The following NOSTRIN variants were observed in gnomAD, a reference collection of about 807,000 sequenced individuals.
The protein encoded by NOSTRIN is BM247 homolog.
Under a neutral mutation model 59.0 loss-of-function variants are expected in NOSTRIN, and 63 were observed. The observed-to-expected ratio is 1.07, with a 90% CI of 0.87 to 1.32. The LOEUF (loss-of-function observed/expected upper bound fraction) is 1.32. Among genes scored for constraint, NOSTRIN ranks in the 40% most tolerant of loss-of-function variants. The pLI, the probability that NOSTRIN is intolerant of heterozygous loss-of-function variation, is 0.00. For synonymous variants in NOSTRIN, 200 were observed against 165.4 expected (o/e 1.21, Z -1.61); for missense variants, 512 against 473.1 (o/e 1.08, Z -0.76).
chr2:168,852,304 T>C (rs1688814937), intron 10 of NOSTRIN, among the ~76,000 whole-genome samples: 1 of 152,092 alleles, frequency 6.6e-6, no homozygotes, highest in Non-Finnish European at 1.5e-5. Context: ...ATTTTGAGGG[T>C]ACTTGAGTGA....
chr2:168,826,518 A>C (rs1360013033), intron 3 of NOSTRIN, among the ~76,000 whole-genome samples: 11 of 149,766 alleles, frequency 7.3e-5, no homozygotes, highest in African/African-American at 2.5e-4. Flanking sequence ...ACAGGTGTTG[A>C]CCAAGTTACT....
chr2:168,828,183 G>A lies in NOSTRIN; in HGVS notation c.223G>A (p.Ala75Thr), dbSNP rs1281796494. 1.1e-6 allele frequency: 1 copy of A among 872,876 alleles called. No homozygotes were observed. Among genetic ancestry groups the A allele is most frequent in the South Asian group, 1.3e-5 (1 of 76,540 alleles). The allele number at this position is 872,876 out of a possible 1,614,324, so 54.1% of individuals were successfully genotyped here. A position where few individuals can be genotyped will look rare whatever the true frequency, so the allele number is the denominator to read the frequency against. Residue 75 changes from alanine (A) to threonine (T), a missense_variant, in exon 4 of 16, where the codon GCC becomes ACC. Physicochemically the swap from Ala to Thr is moderately conservative, Grantham distance 58 (BLOSUM62 0). Coordinates refer to ENST00000317647, the MANE Select transcript of NOSTRIN (RefSeq NM_001039724.4). ...KSCVSSAWAWASEGMKSTADL... is the reference protein window; with the variant it reads ...KSCVSSAWAWTSEGMKSTADL... ...TTGTGTTAGCAGTGCCTGGGCCTGG[G>A]CCTCAGAGGGAATGAAATCCACAGC...
At chr2:168,820,758 G>A (rs1194242048) in intron 2 of NOSTRIN, among the ~76,000 whole-genome samples, 2 of 147,966 alleles carry the variant, frequency 1.4e-5, no homozygotes, top group Non-Finnish European at 3.0e-5. Flanking sequence ...AAGTGAACAA[G>A]GACCCCTTTT....
chr2:168,796,968 A>G (rs1027941596), upstream of NOSTRIN, among the ~76,000 whole-genome samples: 3 of 151,962 alleles, frequency 2.0e-5, no homozygotes, highest in Non-Finnish European at 2.9e-5. Context: ...GCAATTATTT[A>G]TTGAACACTT....
At chr2:168,846,004 C>T (rs928134218) in intron 8 of NOSTRIN, among the ~76,000 whole-genome samples, 1 of 152,156 alleles carries the variant, frequency 6.6e-6, no homozygotes, top group African/African-American at 2.4e-5. Context: ...CTCCTGAGAG[C>T]CATCTCAAGC....
Position 168,863,903 on chromosome 2 carries a change from C to T in NOSTRIN, c.1385-931C>T, listed in dbSNP as rs192131003. ...GGCAGCATAAGGATATATGATCCAA[C>T]GTGATCTTTTTTTATTTTTTTTTTT... On this transcript the variant is annotated intron_variant, in intron 15 of 15. Coordinates refer to ENST00000317647, the MANE Select transcript of NOSTRIN (RefSeq NM_001039724.4). Among the ~76,000 whole-genome samples, 15 of 151,926 alleles carry T rather than the reference C, an allele frequency of 9.9e-5. No individual in the cohort carries two copies. The East Asian group carries it at 1.9e-3, about 20-fold the overall frequency.
chr2:168,837,967 T>C (rs1200445042), intron 7 of NOSTRIN, among the ~76,000 whole-genome samples: 3 of 152,184 alleles, frequency 2.0e-5, no homozygotes, highest in East Asian at 1.9e-4. Flanking sequence ...TTTCTGAAGA[T>C]TTCTCTTCTG....
chr2:168,802,792 A>G, intron 1 of NOSTRIN, 119 bp downstream of exon 1: 1 of 777,150 alleles, frequency 1.3e-6, no homozygotes, highest in Admixed American at 2.0e-5. Flanking sequence ...ACATTTAGAT[A>G]TTGGCTGTGG....
At chr2:168,824,768 T>TGTTTGTTTG (rs1553523540) in intron 3 of NOSTRIN, 51 bp downstream of exon 3, 14 of 736,690 alleles carry the variant, frequency 1.9e-5, no homozygotes, top group South Asian at 3.0e-5. Flanking sequence ...TTTATTTGTT[T>TGTTTGTTTG]TTTGTTTGTT....
intron 14 of NOSTRIN, among the ~76,000 whole-genome samples, chr2:168,861,124 T>C (rs892631772): frequency 6.6e-6 from 1 of 152,222 alleles, no homozygotes; most frequent in Non-Finnish European, 1.5e-5. Context: ...CTATGAGAAG[T>C]TGCCTCAGAT....
upstream of NOSTRIN, among the ~76,000 whole-genome samples, chr2:168,798,903 T>A (rs1685551197): frequency 6.6e-6 from 1 of 152,076 alleles, no homozygotes; most frequent in Admixed American, 6.5e-5. Context: ...ATATGAGGTA[T>A]GCAAAATTTA....
intron 2 of NOSTRIN, among the ~76,000 whole-genome samples, chr2:168,789,129 G>C (rs1348410431): frequency 6.6e-6 from 1 of 152,150 alleles, no homozygotes; most frequent in Non-Finnish European, 1.5e-5. Flanking sequence ...GGCTGGGTGT[G>C]GAACATCTTT....
At chr2:168,808,420 C>A (rs1685972479) in intron 1 of NOSTRIN, among the ~76,000 whole-genome samples, 1 of 152,170 alleles carries the variant, frequency 6.6e-6, no homozygotes, top group Non-Finnish European at 1.5e-5. Flanking sequence ...CCCTCGAATC[C>A]ATCTCTCTGC....
Position 168,838,942 on chromosome 2 carries a change from C to T in NOSTRIN, c.505-4050C>T, listed in dbSNP as rs1035206498. Among the ~76,000 whole-genome samples the T allele has an allele frequency of 5.9e-5, 9 of 152,018 alleles. No individual in the cohort carries two copies. In the East Asian group the frequency reaches 1.4e-3, roughly 23 times the overall value. ...GGGATTACAGGCACTCACCACCATG[C>T]CCAGCTAATTTTTTGTATTTTTAGT... is the stretch of plus-strand genomic sequence containing the variant. On this transcript the variant is annotated intron_variant, in intron 7 of 15. Transcript: ENST00000317647.
intron 2 of NOSTRIN, among the ~76,000 whole-genome samples, chr2:168,792,072 G>C (rs1193003222): frequency 6.6e-6 from 1 of 152,108 alleles, no homozygotes. Flanking sequence ...CCTATGTCCT[G>C]AATGGTATTG....
intron 15 of NOSTRIN, chr2:168,863,687 T>C (rs1689635979): frequency 1.0e-6 from 1 of 982,582 alleles, no homozygotes; most frequent in Non-Finnish European, 1.2e-6. Flanking sequence ...AGTTAAACTT[T>C]TGGCCTGTGA....
intron 8 of NOSTRIN, among the ~76,000 whole-genome samples, chr2:168,847,644 T>C (rs1476046647): frequency 1.3e-5 from 2 of 152,188 alleles, no homozygotes; most frequent in Non-Finnish European, 2.9e-5. Flanking sequence ...CCAGACAGGC[T>C]CTAAATCTGC....
chr2:168,842,216 C>T (rs1371601379), intron 7 of NOSTRIN, among the ~76,000 whole-genome samples: 4 of 152,164 alleles, frequency 2.6e-5, no homozygotes, highest in African/African-American at 7.2e-5. Context: ...CCAATAGCCT[C>T]AGGGGAGAAT....
intron 2 of NOSTRIN, among the ~76,000 whole-genome samples, chr2:168,813,317 A>G (rs1686244009): frequency 6.6e-6 from 1 of 152,114 alleles, no homozygotes; most frequent in Non-Finnish European, 1.5e-5. Flanking sequence ...TGAGAGTTCA[A>G]AATTAGTGCC....
Sources: allele counts gnomAD v4.1 joint callset (sites outside exome capture counted in the v4.1 genomes callset), GRCh38; gene constraint gnomAD v4.1.1; transcripts MANE v1.5; gene names NCBI Gene and HGNC (gene_info 2026-07-23, HGNC 2026-07-21).